IGF1R: variants seen among roughly 807,000 people sequenced by gnomAD.
IGF1R encodes insulin like growth factor 1 receptor, also known as insulin-like growth factor 1 receptor.
In IGF1R, 44 loss-of-function variants were observed where a neutral mutation model predicts 144.6. The ratio of observed to expected loss-of-function variants is 0.30; its 90% CI spans 0.24 to 0.39. The LOEUF is 0.39. Ranked by LOEUF, IGF1R falls within the 10% of genes least tolerant of loss-of-function variation. IGF1R has a pLI of 1.00. For missense variants in IGF1R, 1,355 were observed against 1,833.7 expected (o/e 0.74, Z 4.77); for synonymous variants, 795 against 722.8 (o/e 1.10, Z -1.60).
chr15:98,649,794 G>T, intron 1 of IGF1R, 119 bp downstream of exon 1: 1 of 718,136 alleles, frequency 1.4e-6, no homozygotes, highest in East Asian at 2.8e-5. Flanking sequence ...GCTCGGGAGC[G>T]GCGGGGTGGG....
chr15:98,746,537 G>C (rs1456607189), intron 2 of IGF1R, among the ~76,000 whole-genome samples: 1 of 152,122 alleles, frequency 6.6e-6, no homozygotes, highest in Non-Finnish European at 1.5e-5. Flanking sequence ...GGCAGCCCCT[G>C]CTCCATGAGT....
rs1432607013 is a variant in IGF1R at position 98,963,885 on chromosome 15, TCTCCCCAA to T, written c.*6448_*6455del. The T allele has an allele frequency of 5.6e-5, 13 of 233,132 alleles. No homozygotes were observed. Among genetic ancestry groups the T allele is most frequent in the Admixed American group, 1.7e-4 (3 of 17,784 alleles). The allele number at this position is 233,132 out of a possible 1,614,324, so 14.4% of individuals were successfully genotyped here. The stretch of plus-strand genomic sequence containing the variant: ...TAACTCCAGTGGATTGTTGGCCATG[TCTCCCCAA>T]CTCCACAATATCTCTATCATGGGAA... On this transcript the variant is annotated 3_prime_UTR_variant, in exon 21 of 21. Coordinates refer to ENST00000650285, the MANE Select transcript of IGF1R (RefSeq NM_000875.5).
Position 98,961,739 on chromosome 15 carries a change from GA to G in IGF1R, c.*4298del, listed in dbSNP as rs2017234641. 1 of 233,474 alleles carries G rather than the reference GA, an allele frequency of 4.3e-6. No homozygotes were observed. Among genetic ancestry groups the G allele is most frequent in the South Asian group, 1.8e-4 (1 of 5,536 alleles). The allele number at this position is 233,474 out of a possible 1,614,324, so 14.5% of individuals were successfully genotyped here. A position where few individuals can be genotyped will look rare whatever the true frequency, so the allele number is the denominator to read the frequency against. On this transcript the variant is annotated 3_prime_UTR_variant, in exon 21 of 21. Coordinates refer to ENST00000650285, the MANE Select transcript of IGF1R (RefSeq NM_000875.5). ...GTGTACTGGAGACACTGTTGAACTT[GA>G]TCAAGACCCAGACCACCCCAGGTCT...
At chr15:98,684,506 C>T (rs896141589) in intron 1 of IGF1R, among the ~76,000 whole-genome samples, 1 of 152,074 alleles carries the variant, frequency 6.6e-6, no homozygotes, top group Non-Finnish European at 1.5e-5. Flanking sequence ...TATAGCTAAA[C>T]GTCAGTTGGC....
chr15:98,678,852 G>A lies in IGF1R; in HGVS notation c.95-28710G>A, dbSNP rs553464357. ...AAAAGATGGTTAGTTTTTGTTTTGT[G>A]ACAGCTTTAAAAAAGGTCTTCCATG... On this transcript the variant is annotated intron_variant, in intron 1 of 20. Coordinates refer to ENST00000650285, the MANE Select transcript of IGF1R (RefSeq NM_000875.5). Among the ~76,000 whole-genome samples the A allele has an allele frequency of 1.3e-4, 20 of 151,298 alleles. 1 individual carries two copies. In the South Asian group the frequency reaches 3.8e-3, roughly 28 times the overall value.
rs2013894249 is a variant in IGF1R at position 98,891,247 on chromosome 15, G to C, written c.641-78G>C. 5.8e-6 allele frequency: 8 copies of C among 1,381,958 alleles called. No individual in the cohort carries two copies. The highest frequency in any genetic ancestry group is 8.0e-6 in the Non-Finnish European group (8 of 994,832). The allele number at this position is 1,381,958 out of a possible 1,614,324, so 85.6% of individuals were successfully genotyped here. The stretch of plus-strand genomic sequence containing the variant: ...GCTGGTGGTAGCAGTGAATGACCCA[G>C]AAGGATGCTGGCCAGGCCCAGAGAA... On this transcript the variant is annotated intron_variant, in intron 2 of 20. Transcript: ENST00000650285. This position sits in a 1 kb window ranked among gnomAD's most constrained non-coding sequence, Gnocchi z 4.7.
chr15:98,913,880 C>G (rs1408822378), intron 8 of IGF1R, among the ~76,000 whole-genome samples: 1 of 152,128 alleles, frequency 6.6e-6, no homozygotes, highest in Non-Finnish European at 1.5e-5. Flanking sequence ...TATATAAAAA[C>G]TAGTTTAGAA....
chr15:98,710,274 A>G (rs911129749), intron 2 of IGF1R, among the ~76,000 whole-genome samples: 1 of 152,166 alleles, frequency 6.6e-6, no homozygotes, highest in Non-Finnish European at 1.5e-5. Flanking sequence ...TGGAGTACTT[A>G]TATAAAATTG....
chr15:98,919,224 T>C (rs1394269329), intron 10 of IGF1R, among the ~76,000 whole-genome samples: 3 of 152,218 alleles, frequency 2.0e-5, no homozygotes, highest in Non-Finnish European at 2.9e-5. Context: ...TTCTCCTCCA[T>C]TGCGTTGCTT....
intron 1 of IGF1R, among the ~76,000 whole-genome samples, chr15:98,703,601 C>G (rs985186082): frequency 4.6e-5 from 7 of 152,112 alleles, no homozygotes; most frequent in African/African-American, 1.7e-4. Flanking sequence ...TACTTTTTTT[C>G]TCTTTTCTTC....
Position 98,924,026 on chromosome 15 carries a change from AG to A in IGF1R, c.2622+15del. 1 of 1,612,884 alleles carries A rather than the reference AG, an allele frequency of 6.2e-7. No individual in the cohort carries two copies. Among genetic ancestry groups the A allele is most frequent in the Non-Finnish European group, 8.5e-7 (1 of 1,178,848 alleles). On this transcript the variant is annotated intron_variant, in intron 12 of 20. Transcript: ENST00000650285. ...TCACAAGTTGAGGTAGGACTGGGGC[AG>A]TGGCCCGTGCCTGCATGTACTTCCA...
At chr15:98,807,729 T>C (rs1490244373) in intron 2 of IGF1R, among the ~76,000 whole-genome samples, 1 of 152,258 alleles carries the variant, frequency 6.6e-6, no homozygotes, top group African/African-American at 2.4e-5. Context: ...ACACTGTGTA[T>C]GTGGAAGCCA....
intron 2 of IGF1R, among the ~76,000 whole-genome samples, chr15:98,742,718 C>G (rs2054774833): frequency 1.3e-5 from 2 of 152,174 alleles, no homozygotes; most frequent in Non-Finnish European, 2.9e-5. Context: ...ATTGTTTTTA[C>G]TTGTTACAAA....
At chr15:98,887,505 G>A (rs954853877) in intron 2 of IGF1R, among the ~76,000 whole-genome samples, 1 of 152,086 alleles carries the variant, frequency 6.6e-6, no homozygotes, top group Non-Finnish European at 1.5e-5. Flanking sequence ...TCTTTAAATT[G>A]TCAGGGAAAG....
At chr15:98,713,441 A>T (rs1468468080) in intron 2 of IGF1R, among the ~76,000 whole-genome samples, 2 of 152,130 alleles carry the variant, frequency 1.3e-5, no homozygotes, top group Admixed American at 1.3e-4. Context: ...AGGAGTACTG[A>T]CCAGAATCAT....
rs571260262 is a variant in IGF1R, at chr15:98,654,835, A to C, written c.94+5160A>C. On this transcript the variant is annotated intron_variant, in intron 1 of 20. Transcript: ENST00000650285. ...TCCAGTCTGAGATGTTCTGAAGGAA[A>C]ATTCTGAACACTTTAGAGACAACAA... Among the ~76,000 whole-genome samples the C allele has an allele frequency of 1.3e-4, 20 of 152,318 alleles. No individual in the cohort carries two copies. In the East Asian group the frequency reaches 3.9e-3, roughly 29 times the overall value.
chr15:98,765,130 A>G (rs1044626011), intron 2 of IGF1R, among the ~76,000 whole-genome samples: 17 of 152,042 alleles, frequency 1.1e-4, no homozygotes, highest in African/African-American at 4.1e-4. Context: ...CCATGTTGTA[A>G]TGTATCAGTA....
At chr15:98,928,662 C>T (rs1402587102) in intron 13 of IGF1R, among the ~76,000 whole-genome samples, 1 of 152,192 alleles carries the variant, frequency 6.6e-6, no homozygotes, top group Non-Finnish European at 1.5e-5. Flanking sequence ...TCCCTTCTCT[C>T]CTCTCCCTTC....
chr15:98,780,090 A>T (rs1350454710), intron 2 of IGF1R, among the ~76,000 whole-genome samples: 1 of 146,242 alleles, frequency 6.8e-6, no homozygotes, highest in Admixed American at 6.8e-5. Context: ...CCAGGTGGCT[A>T]TTTTTTTTTT....
Sources: allele counts gnomAD v4.1 joint callset (sites outside exome capture counted in the v4.1 genomes callset), GRCh38; gene constraint gnomAD v4.1.1; non-coding constraint Gnocchi (gnomAD v3.1); transcripts MANE v1.5; gene names NCBI Gene and HGNC (gene_info 2026-07-23, HGNC 2026-07-21).